DLC1: variants seen among roughly 807,000 people sequenced by gnomAD.
DLC1 encodes rho GTPase-activating protein 7.
In DLC1, 54 loss-of-function variants were observed where a neutral mutation model predicts 140.3. The ratio of observed to expected loss-of-function variants is 0.38; its 90% CI spans 0.31 to 0.48. The LOEUF is 0.48. Ranked by LOEUF, DLC1 falls within the 20% of genes least tolerant of loss-of-function variation. The pLI is 0.96. For synonymous variants in DLC1, 986 were observed against 728.1 expected (o/e 1.35, Z -5.70); for missense variants, 2,536 against 1,907.0 (o/e 1.33, Z -6.14).
chr8:13,449,066 A>G (rs997332777), intron 2 of DLC1, among the ~76,000 whole-genome samples: 1 of 152,218 alleles, frequency 6.6e-6, no homozygotes, highest in African/African-American at 2.4e-5. Context: ...TGAGCATATT[A>G]TATACCTTAC....
intron 3 of DLC1, among the ~76,000 whole-genome samples, chr8:13,396,925 A>G (rs563936565): frequency 6.6e-6 from 1 of 151,958 alleles, no homozygotes; most frequent in Non-Finnish European, 1.5e-5. Flanking sequence ...GCCACTCATA[A>G]TTTCCCTGTT....
intron 5 of DLC1, among the ~76,000 whole-genome samples, chr8:13,304,199 C>T (rs914697454): frequency 6.6e-6 from 1 of 151,964 alleles, no homozygotes; most frequent in Non-Finnish European, 1.5e-5. Flanking sequence ...AAGTAATGGC[C>T]AAAACCACAA....
chr8:13,424,640 T>C (rs965277323), intron 2 of DLC1, among the ~76,000 whole-genome samples: 3 of 152,120 alleles, frequency 2.0e-5, no homozygotes, highest in Non-Finnish European at 2.9e-5. Flanking sequence ...TGCTGCGATC[T>C]TGGCTCACTG....
intron 2 of DLC1, among the ~76,000 whole-genome samples, chr8:13,432,755 G>C (rs1392509437): frequency 6.6e-6 from 1 of 152,090 alleles, no homozygotes; most frequent in Non-Finnish European, 1.5e-5. Context: ...TTCCAGTAGA[G>C]TGGTGAAGAT....
chr8:13,452,907 C>T (rs531622658), intron 2 of DLC1, among the ~76,000 whole-genome samples: 73 of 152,060 alleles, frequency 4.8e-4, no homozygotes, highest in Admixed American at 7.9e-4. Context: ...CTCTAATTTC[C>T]GGATGAGAAT....
At chr8:13,141,153 G>T (rs1200502739) in intron 5 of DLC1, among the ~76,000 whole-genome samples, 1 of 150,922 alleles carries the variant, frequency 6.6e-6, no homozygotes, top group Non-Finnish European at 1.5e-5. Context: ...TACTCGGGAA[G>T]CTGAGGCAGG....
At chr8:13,168,603 C>T (rs1220098049) in intron 5 of DLC1, among the ~76,000 whole-genome samples, 4 of 152,212 alleles carry the variant, frequency 2.6e-5, no homozygotes. Flanking sequence ...AAGGAAAAGA[C>T]ACAGTATCTT....
intron 5 of DLC1, among the ~76,000 whole-genome samples, chr8:13,279,312 A>G (rs1322754759): frequency 6.6e-6 from 1 of 152,208 alleles, no homozygotes; most frequent in Non-Finnish European, 1.5e-5. Context: ...TCCTCTTAGC[A>G]ACACACTTTC....
At chr8:13,092,450 G>A (rs538578503) in intron 13 of DLC1, among the ~76,000 whole-genome samples, 162 bp downstream of exon 13, 1 of 152,190 alleles carries the variant, frequency 6.6e-6, no homozygotes, top group Non-Finnish European at 1.5e-5. Flanking sequence ...CAACAGACCA[G>A]TCTCAGGTAT....
At chr8:13,350,317 C>G (rs966262576) in intron 4 of DLC1, among the ~76,000 whole-genome samples, 2 of 147,858 alleles carry the variant, frequency 1.4e-5, no homozygotes, top group African/African-American at 5.0e-5. Context: ...TTTTTTTGTT[C>G]TTTGTCATTT....
intron 2 of DLC1, among the ~76,000 whole-genome samples, chr8:13,428,919 A>G (rs553492500): frequency 6.6e-6 from 1 of 152,350 alleles, no homozygotes. Context: ...CTACAGGGCA[A>G]CCTGGTGGGG....
intron 5 of DLC1, among the ~76,000 whole-genome samples, chr8:13,293,998 A>T (rs916191826): frequency 1.3e-5 from 2 of 152,196 alleles, no homozygotes; most frequent in Non-Finnish European, 2.9e-5. Flanking sequence ...CTCAGGATAT[A>T]CCTAGTTCTA....
At chr8:13,089,959 A>G (rs944691424) in intron 15 of DLC1, among the ~76,000 whole-genome samples, 1 of 152,234 alleles carries the variant, frequency 6.6e-6, no homozygotes, top group African/African-American at 2.4e-5. Context: ...CCGCATCTCA[A>G]TGCCATTAGC....
chr8:13,554,225 C>A (rs137895451), intron 1 of DLC1, among the ~76,000 whole-genome samples: 49 of 152,200 alleles, frequency 3.2e-4, no homozygotes, highest in Non-Finnish European at 6.6e-4. Context: ...CGCCAACACA[C>A]CCTGCTAATT....
chr8:13,132,093 G>C (rs913123000), intron 5 of DLC1, among the ~76,000 whole-genome samples: 4 of 152,054 alleles, frequency 2.6e-5, no homozygotes, highest in African/African-American at 7.2e-5. Flanking sequence ...TCCTCTCTCC[G>C]GCCCAGGAAC....
intron 2 of DLC1, among the ~76,000 whole-genome samples, chr8:13,447,581 A>T (rs2116951834): frequency 6.6e-6 from 1 of 152,338 alleles, no homozygotes; most frequent in East Asian, 1.9e-4. Flanking sequence ...AAAGAAAAAA[A>T]CGTTCATTAG....
chr8:13,210,411 TTGTCAA>T lies in DLC1; in HGVS notation c.1349-94760_1349-94755del, dbSNP rs1211493776. On this transcript the variant is annotated intron_variant, in intron 5 of 17. Transcript: ENST00000276297. ...CAAACTTTTACTGGAGGCATTGTCA[TTGTCAA>T]TGTCAATGTCAACAAACTTTTATTG... Among the ~76,000 whole-genome samples the T allele has an allele frequency of 6.6e-5, 10 of 152,296 alleles. No individual in the cohort carries two copies. The South Asian group carries it at 8.3e-4, about 13-fold the overall frequency.
At chr8:13,348,263 T>C (rs1373935351) in intron 4 of DLC1, among the ~76,000 whole-genome samples, 1 of 152,118 alleles carries the variant, frequency 6.6e-6, no homozygotes, top group Non-Finnish European at 1.5e-5. Flanking sequence ...TGGTTGAAGG[T>C]TGGGCATGAG....
chr8:13,211,066 C>G (rs1228984329), intron 5 of DLC1, among the ~76,000 whole-genome samples: 4 of 152,138 alleles, frequency 2.6e-5, no homozygotes, highest in Non-Finnish European at 5.9e-5. Flanking sequence ...GGCAAAGAAA[C>G]TGCCTCAAAC....
Sources: gnomAD v4.1 joint callset for allele counts (sites outside exome capture counted in the v4.1 genomes callset) on GRCh38, gnomAD v4.1.1 for gene constraint, MANE v1.5 for transcripts, NCBI Gene and HGNC (gene_info 2026-07-23, HGNC 2026-07-21) for gene names.